Variants in PPM1E observed in about 807,000 individuals in gnomAD.
PPM1E encodes protein phosphatase, Mg2+/Mn2+ dependent 1E.
In PPM1E, 20 loss-of-function variants were observed where a neutral mutation model predicts 65.9. The observed-to-expected ratio is 0.30, with a 90% CI of 0.21 to 0.44. The LOEUF (loss-of-function observed/expected upper bound fraction) is 0.44, where lower values mean the gene tolerates loss of function less well. Among genes scored for constraint, PPM1E ranks in the 20% least tolerant of loss-of-function variants. PPM1E has a pLI of 1.00. For missense variants in PPM1E, 713 were observed against 953.1 expected (o/e 0.75, Z 3.32); for synonymous variants, 352 against 374.9 (o/e 0.94, Z 0.70).
intron 1 of PPM1E, among the ~76,000 whole-genome samples, chr17:58,862,390 G>A (rs1271029981): frequency 5.3e-5 from 8 of 152,168 alleles, no homozygotes; most frequent in African/African-American, 9.7e-5. Context: ...TTATTTGTCT[G>A]GTAAGATGAG....
intron 1 of PPM1E, among the ~76,000 whole-genome samples, chr17:58,840,376 G>A (rs920705134): frequency 9.2e-5 from 14 of 152,188 alleles, no homozygotes; most frequent in Non-Finnish European, 1.5e-4. Context: ...ATGGCCTAAA[G>A]CTCCCAGGTT....
At chr17:58,858,675 A>G (rs2050908804) in intron 1 of PPM1E, among the ~76,000 whole-genome samples, 1 of 152,164 alleles carries the variant, frequency 6.6e-6, no homozygotes, top group Non-Finnish European at 1.5e-5. Flanking sequence ...ATAGTATCTC[A>G]TTGTGTACAT....
At chr17:58,925,472 G>A (rs1318370354) in intron 1 of PPM1E, among the ~76,000 whole-genome samples, 6 of 151,628 alleles carry the variant, frequency 4.0e-5, no homozygotes, top group Non-Finnish European at 7.4e-5. Context: ...AGGGAGTCTC[G>A]CTCTGTCACC....
At chr17:58,922,351 C>T (rs954792220) in intron 1 of PPM1E, among the ~76,000 whole-genome samples, 3 of 152,006 alleles carry the variant, frequency 2.0e-5, no homozygotes, top group African/African-American at 4.8e-5. Flanking sequence ...CTCCTGGGCT[C>T]AAGGGATCCT....
chr17:58,762,218 G>A lies in PPM1E; in HGVS notation c.464+5757G>A, dbSNP rs114617071. On this transcript the variant is annotated intron_variant, in intron 1 of 6. Transcript: ENST00000308249. ...GGCTTTAAAAGTTCCTGTGAAGATG[G>A]CTGGGCTTGGTGGCTCATTCCTGTA... 6.4e-3 allele frequency among the ~76,000 whole-genome samples: 979 copies of A among 152,278 alleles called. 8 individuals are homozygous for A. The highest frequency in any genetic ancestry group is 0.022 in the African/African-American group (905 of 41,548).
At chr17:58,893,315 T>A (rs746587968) in intron 1 of PPM1E, among the ~76,000 whole-genome samples, 1 of 152,082 alleles carries the variant, frequency 6.6e-6, no homozygotes, top group Non-Finnish European at 1.5e-5. Flanking sequence ...AGACATGGAG[T>A]AAGCTTAAAT....
intron 1 of PPM1E, among the ~76,000 whole-genome samples, chr17:58,816,741 AATAT>A (rs67568496): frequency 3.7e-3 from 311 of 85,096 alleles, no homozygotes; most frequent in Non-Finnish European, 4.6e-3. Context: ...TCAGAATATA[AATAT>A]ATATATATAT....
At chr17:58,828,656 G>T (rs2050567326) in intron 1 of PPM1E, among the ~76,000 whole-genome samples, 2 of 152,046 alleles carry the variant, frequency 1.3e-5, no homozygotes, top group Admixed American at 1.3e-4. Context: ...TAGAGACAGG[G>T]TTTCTCCATG....
intron 1 of PPM1E, among the ~76,000 whole-genome samples, chr17:58,767,247 TAA>T (rs1022542334): frequency 1.2e-4 from 18 of 152,268 alleles, no homozygotes; most frequent in African/African-American, 4.3e-4. Context: ...TTAATCATCA[TAA>T]AAATATATGA....
At chr17:58,907,066 GTC>G (rs1159827591) in intron 1 of PPM1E, among the ~76,000 whole-genome samples, 1 of 151,930 alleles carries the variant, frequency 6.6e-6, no homozygotes, top group East Asian at 1.9e-4. Flanking sequence ...GAAACCCCGT[GTC>G]TACTAAAAAT....
intron 1 of PPM1E, among the ~76,000 whole-genome samples, chr17:58,902,341 G>T (rs1483190548): frequency 6.6e-6 from 1 of 152,018 alleles, no homozygotes; most frequent in African/African-American, 2.4e-5. Flanking sequence ...GGGAAAAAAT[G>T]AAGGAAGATA....
intron 1 of PPM1E, among the ~76,000 whole-genome samples, chr17:58,804,954 C>T (rs571557921): frequency 6.6e-6 from 1 of 152,160 alleles, no homozygotes; most frequent in African/African-American, 2.4e-5. Context: ...GTTACCTACT[C>T]TGCTATGCCT....
intron 1 of PPM1E, among the ~76,000 whole-genome samples, chr17:58,785,836 C>T (rs2050095536): frequency 6.6e-6 from 1 of 151,924 alleles, no homozygotes; most frequent in South Asian, 2.1e-4. Flanking sequence ...TAACTGAGCA[C>T]TTATCACACA....
chr17:58,914,446 TC>T (rs1767919466), intron 1 of PPM1E, among the ~76,000 whole-genome samples: 1 of 152,116 alleles, frequency 6.6e-6, no homozygotes, highest in African/African-American at 2.4e-5. Context: ...CTTAAGGAGC[TC>T]CAACTGGATG....
At chr17:58,878,890 G>A (rs1242624127) in intron 1 of PPM1E, among the ~76,000 whole-genome samples, 1 of 147,800 alleles carries the variant, frequency 6.8e-6, no homozygotes, top group African/African-American at 2.5e-5. Context: ...GGCAACAAGA[G>A]CGAAACTGCA....
chr17:58,927,825 G>A (rs1332792492), intron 1 of PPM1E, among the ~76,000 whole-genome samples: 1 of 152,076 alleles, frequency 6.6e-6, no homozygotes, highest in East Asian at 1.9e-4. Flanking sequence ...TTGGGAGGCT[G>A]AGGCAGGCGG....
At chr17:58,793,831 A>G (rs535805971) in intron 1 of PPM1E, among the ~76,000 whole-genome samples, 41 of 152,182 alleles carry the variant, frequency 2.7e-4, no homozygotes, top group African/African-American at 9.9e-4. Flanking sequence ...CTTCTATATA[A>G]ACTGTGTATA....
chr17:58,817,122 A>C (rs1172054082), intron 1 of PPM1E, among the ~76,000 whole-genome samples: 1 of 151,758 alleles, frequency 6.6e-6, no homozygotes, highest in Non-Finnish European at 1.5e-5. Flanking sequence ...ATTACTGAAT[A>C]ATTTCAATTG....
Position 58,845,520 on chromosome 17 carries a change from G to A in PPM1E, c.464+89059G>A, listed in dbSNP as rs544256770. Among the ~76,000 whole-genome samples, 3 of 151,934 alleles carry A rather than the reference G, an allele frequency of 2.0e-5. No individual in the cohort carries two copies. In the East Asian group the frequency reaches 5.8e-4, roughly 29 times the overall value. On this transcript the variant is annotated intron_variant, in intron 1 of 6. Coordinates refer to ENST00000308249, the MANE Select transcript of PPM1E (RefSeq NM_014906.5). ...CATTCCTTCCTCCTCTTAGCCCCTG[G>A]CAACCATCATTCTGCTTTTTGACTA... is the stretch of plus-strand genomic sequence containing the variant.
Sources: gnomAD v4.1 joint callset for allele counts (sites outside exome capture counted in the v4.1 genomes callset) on GRCh38, gnomAD v4.1.1 for gene constraint, MANE v1.5 for transcripts, NCBI Gene and HGNC (gene_info 2026-07-23, HGNC 2026-07-21) for gene names.